Variants in PCDHA2 observed in about 807,000 individuals in gnomAD.
The protein encoded by PCDHA2 is protocadherin alpha-2.
Under a neutral mutation model 66.0 loss-of-function variants are expected in PCDHA2, and 58 were observed. The observed-to-expected ratio is 0.88, with a 90% confidence interval of 0.71 to 1.09. The LOEUF is 1.09. PCDHA2 is among the 50% of genes least tolerant of loss of function. The pLI, the probability that PCDHA2 is intolerant of heterozygous loss-of-function variation, is 0.00. For missense variants in PCDHA2, 1,267 were observed against 1,242.3 expected (o/e 1.02, Z -0.30); for synonymous variants, 634 against 554.0 (o/e 1.14, Z -2.03).
intron 3 of PCDHA2, among the ~76,000 whole-genome samples, chr5:140,997,321 T>C (rs964967011): frequency 1.3e-5 from 2 of 152,174 alleles, no homozygotes; most frequent in Non-Finnish European, 2.9e-5. Flanking sequence ...CTTTAGGCAG[T>C]TTTTTCGTTG....
intron 1 of PCDHA2, chr5:140,815,946 G>T (rs2126668212): frequency 6.6e-5 from 10 of 152,244 alleles, no homozygotes; most frequent in African/African-American, 2.2e-4. Flanking sequence ...GAAATCTACT[G>T]GTAGAGTTAG....
chr5:140,872,667 A>G (rs2053828539), intron 1 of PCDHA2, among the ~76,000 whole-genome samples: 1 of 152,186 alleles, frequency 6.6e-6, no homozygotes, highest in African/African-American at 2.4e-5. Flanking sequence ...CAACTATTGG[A>G]TACTCAAACA....
chr5:140,894,821 C>A (rs1303468240), intron 1 of PCDHA2, among the ~76,000 whole-genome samples: 1 of 151,806 alleles, frequency 6.6e-6, no homozygotes, highest in African/African-American at 2.4e-5. Flanking sequence ...TCAGATTTGC[C>A]CATAATCCTT....
intron 1 of PCDHA2, chr5:140,815,383 G>T (rs1042802811): frequency 1.4e-4 from 21 of 152,028 alleles, no homozygotes; most frequent in African/African-American, 5.1e-4. Context: ...TGGTTACCAT[G>T]GGGCTTACAT....
At chr5:140,952,797 C>T (rs782258698) in intron 1 of PCDHA2, among the ~76,000 whole-genome samples, 1 of 152,142 alleles carries the variant, frequency 6.6e-6, no homozygotes. Flanking sequence ...TTAACTGGCT[C>T]GCAGTTCTGC....
intron 1 of PCDHA2, among the ~76,000 whole-genome samples, chr5:140,846,416 C>T (rs1275676707): frequency 1.5e-5 from 2 of 134,880 alleles, no homozygotes; most frequent in African/African-American, 5.4e-5. Context: ...GCTCTATCTC[C>T]CAGGCTGGAA....
At chr5:140,997,399 C>T (rs1453624678) in intron 3 of PCDHA2, among the ~76,000 whole-genome samples, 1 of 152,118 alleles carries the variant, frequency 6.6e-6, no homozygotes, top group Non-Finnish European at 1.5e-5. Flanking sequence ...TAGGCTCTAT[C>T]GTATGGCCTA....
rs782015671 is a variant in PCDHA2 at position 140,796,709 on chromosome 5, C to G, written c.1745C>G (p.Pro582Arg). 58 of 1,613,842 alleles carry G rather than the reference C, an allele frequency of 3.6e-5. No individual in the cohort carries two copies. Among genetic ancestry groups the G allele is most frequent in the Non-Finnish European group, 4.6e-5 (54 of 1,179,908 alleles). ...TAAGAVSELV[P>R]WSVGAGHVVA... ...GCTGGCGCAGTGAGTGAGCTGGTGC[C>G]GTGGTCGGTGGGTGCAGGGCACGTG... is the stretch of plus-strand genomic sequence containing the variant. Residue 582 changes from proline (P) to arginine (R), a missense_variant, in exon 1 of 4, where the codon CCG becomes CGG. By Grantham distance (103) the Pro-to-Arg change is moderately radical. Transcript: ENST00000526136.
chr5:140,883,263 G>T (rs562257406), intron 1 of PCDHA2: 2 of 1,613,988 alleles, frequency 1.2e-6, no homozygotes, highest in Admixed American at 1.7e-5. Flanking sequence ...CCAATGGCGG[G>T]TCATTGTACC....
At chr5:140,951,234 C>A (rs1003242029) in intron 1 of PCDHA2, among the ~76,000 whole-genome samples, 2 of 152,028 alleles carry the variant, frequency 1.3e-5, no homozygotes. Flanking sequence ...ATGGTCTTTA[C>A]CTTTAGGAAT....
At chr5:140,998,247 T>C (rs2097802911) in intron 3 of PCDHA2, among the ~76,000 whole-genome samples, 1 of 152,216 alleles carries the variant, frequency 6.6e-6, no homozygotes, top group Non-Finnish European at 1.5e-5. Flanking sequence ...ATTATACTCA[T>C]TTTACTGCTA....
intron 1 of PCDHA2, chr5:140,875,737 C>G: frequency 2.5e-6 from 4 of 1,614,224 alleles, no homozygotes; most frequent in Non-Finnish European, 3.4e-6. Flanking sequence ...TGTGAATTCT[C>G]GGATCGACCG....
chr5:140,983,022 A>G (rs2097023004), intron 3 of PCDHA2, among the ~76,000 whole-genome samples: 1 of 152,114 alleles, frequency 6.6e-6, no homozygotes, highest in Non-Finnish European at 1.5e-5. Flanking sequence ...GGAAGGAAGG[A>G]AGATGGTTTC....
intron 1 of PCDHA2, among the ~76,000 whole-genome samples, chr5:140,895,233 A>G (rs2064923914): frequency 3.3e-5 from 5 of 152,070 alleles, no homozygotes; most frequent in Admixed American, 2.6e-4. Context: ...GAGTTTTCTC[A>G]TCTCTCTTTT....
At chr5:140,836,355 T>G (rs2150258561) in intron 1 of PCDHA2, 2 of 1,613,660 alleles carry the variant, frequency 1.2e-6, no homozygotes, top group Admixed American at 3.3e-5. Flanking sequence ...CGGGGAGCCC[T>G]CGCTGACAGC....
chr5:140,917,633 A>T (rs537704186), intron 1 of PCDHA2, among the ~76,000 whole-genome samples: 1 of 152,268 alleles, frequency 6.6e-6, no homozygotes, highest in East Asian at 1.9e-4. Context: ...ATGGTTAGCT[A>T]GTTATCCCAG....
chr5:140,869,553 G>A (rs1554163226), intron 1 of PCDHA2: 1 of 1,614,056 alleles, frequency 6.2e-7, no homozygotes, highest in African/African-American at 1.3e-5. Flanking sequence ...AATCGGACTC[G>A]CGTTTTCCAC....
chr5:140,864,184 A>T (rs2153225198), intron 1 of PCDHA2: 1 of 152,304 alleles, frequency 6.6e-6, no homozygotes, highest in East Asian at 1.9e-4. Context: ...ATGATGAATA[A>T]TGATCCTTAT....
chr5:140,906,761 A>G (rs896512633), intron 1 of PCDHA2, among the ~76,000 whole-genome samples: 2 of 152,204 alleles, frequency 1.3e-5, no homozygotes, highest in Non-Finnish European at 2.9e-5. Flanking sequence ...GGTAATACTA[A>G]GAGACACCCT....
Sources: allele counts gnomAD v4.1 joint callset (sites outside exome capture counted in the v4.1 genomes callset), GRCh38; gene constraint gnomAD v4.1.1; transcripts MANE v1.5; gene names NCBI Gene and HGNC (gene_info 2026-07-23, HGNC 2026-07-21).